The following SIAH3 variants were observed in gnomAD, a reference collection of about 807,000 sequenced individuals.
SIAH3 encodes the protein seven in absentia homolog 3.
In SIAH3, 9 loss-of-function variants were observed where a neutral mutation model predicts 12.6. The observed-to-expected ratio is 0.72, with a 90% confidence interval of 0.43 to 1.25. The LOEUF (loss-of-function observed/expected upper bound fraction) is 1.25, where lower values mean the gene tolerates loss of function less well. Among genes scored for constraint, SIAH3 ranks in the 50% most tolerant of loss-of-function variants. The pLI, the probability that SIAH3 is intolerant of heterozygous loss-of-function variation, is 0.00. For missense variants in SIAH3, 390 were observed against 365.4 expected (o/e 1.07, Z -0.55); for synonymous variants, 154 against 151.1 (o/e 1.02, Z -0.14).
At chr13:45,839,642 C>A (rs1950732576) in intron 1 of SIAH3, among the ~76,000 whole-genome samples, 1 of 151,832 alleles carries the variant, frequency 6.6e-6, no homozygotes, top group Non-Finnish European at 1.5e-5. Flanking sequence ...ACCATCCTGG[C>A]TAACACGGTG....
chr13:45,802,867 T>C (rs1950586778), intron 1 of SIAH3, among the ~76,000 whole-genome samples: 1 of 150,752 alleles, frequency 6.6e-6, no homozygotes, highest in African/African-American at 2.4e-5. Flanking sequence ...AGGTCAGGAG[T>C]TCAAGACCAG....
At chr13:45,807,481 A>G (rs1313536570) in intron 1 of SIAH3, among the ~76,000 whole-genome samples, 1 of 152,226 alleles carries the variant, frequency 6.6e-6, no homozygotes, top group Non-Finnish European at 1.5e-5. Context: ...AGAGAACCAA[A>G]TACTTATAGT....
At chr13:45,840,343 A>G (rs1046649418) in intron 1 of SIAH3, among the ~76,000 whole-genome samples, 2 of 152,356 alleles carry the variant, frequency 1.3e-5, no homozygotes, top group Non-Finnish European at 2.9e-5. Context: ...TCTGTGCCTC[A>G]GCTTCCTCAT....
At chr13:45,850,166 T>G (rs1208099807) in intron 1 of SIAH3, among the ~76,000 whole-genome samples, 1 of 152,176 alleles carries the variant, frequency 6.6e-6, no homozygotes, top group Non-Finnish European at 1.5e-5. Flanking sequence ...CTAGGTCAGA[T>G]GCACCATAGG....
intron 1 of SIAH3, among the ~76,000 whole-genome samples, chr13:45,837,748 T>C (rs531158868): frequency 6.6e-6 from 1 of 152,292 alleles, no homozygotes; most frequent in Non-Finnish European, 1.5e-5. Flanking sequence ...TCTCACATTG[T>C]ATGTATTATT....
intron 1 of SIAH3, among the ~76,000 whole-genome samples, chr13:45,832,333 G>A (rs193248074): frequency 8.5e-5 from 13 of 152,318 alleles, no homozygotes; most frequent in Admixed American, 2.6e-4. Flanking sequence ...CACTGTGGCC[G>A]TGAAGCAGGA....
In SIAH3 at chr13:45,797,538, G is replaced by A. The variant is rs145829524; in HGVS notation, c.136-13481C>T. Among the ~76,000 whole-genome samples, 276 of 152,274 alleles carry A rather than the reference G, an allele frequency of 1.8e-3. 2 individuals carry two copies. Among genetic ancestry groups the A allele is most frequent in the Non-Finnish European group, 3.0e-3 (206 of 68,026 alleles). On this transcript the variant is annotated intron_variant, in intron 1 of 1. Transcript: ENST00000400405. ...AACTTCCCTTGCAGCTACCCAAGCC[G>A]CAAAACTCTCCATTCATGAGTCTGC...
Position 45,786,773 on chromosome 13 carries a change from G to T in SIAH3, c.136-2716C>A, listed in dbSNP as rs527666526. On this transcript the variant is annotated intron_variant, in intron 1 of 1. Coordinates refer to ENST00000400405, the MANE Select transcript of SIAH3 (RefSeq NM_198849.3). ...CTTTCACACACGAGCAGCAATCTGG[G>T]CTGAGTGCAGGCCACCATAAAACCT... Among the ~76,000 whole-genome samples, 8 of 152,254 alleles carry T rather than the reference G, an allele frequency of 5.3e-5. No individual in the cohort carries two copies. The South Asian group carries it at 1.5e-3, about 28-fold the overall frequency.
At chr13:45,809,661 T>C (rs1950609936) in intron 1 of SIAH3, among the ~76,000 whole-genome samples, 1 of 152,224 alleles carries the variant, frequency 6.6e-6, no homozygotes, top group African/African-American at 2.4e-5. Flanking sequence ...GGTAAAACTA[T>C]ATATGCATAA....
In SIAH3 at chr13:45,843,030, C is replaced by CTGTGTGTGTGTGTGTGTGTGTGTGTG. The variant is rs1236849648; in HGVS notation, c.135+8464_135+8465insCACACACACACACACACACACACACA. 3.3e-4 allele frequency among the ~76,000 whole-genome samples: 21 copies of CTGTGTGTGTGTGTGTGTGTGTGTGTG among 64,520 alleles called. No individual in the cohort carries two copies. The South Asian group carries it at 3.5e-3, about 11-fold the overall frequency. 42.3% of individuals were successfully genotyped at this position (64,520 alleles called of 152,430 possible). On this transcript the variant is annotated intron_variant, in intron 1 of 1. Coordinates refer to ENST00000400405, the MANE Select transcript of SIAH3 (RefSeq NM_198849.3). ...GAATTGCCATTATTTCTCTCTCTCT[C>CTGTGTGTGTGTGTGTGTGTGTGTGTG]TCTCTGTGTGTGTGTGTGTGTGTGT...
rs953992923 is a variant in SIAH3, at chr13:45,778,956, C to T, written c.*4427G>A. On this transcript the variant is annotated 3_prime_UTR_variant, in exon 2 of 2. Transcript: ENST00000400405. ...CCACGAGATTCCTGGAACCAATCCC[C>T]CAAGGATACTGAGGGATGATTATAC... 4 of 152,234 alleles carry T rather than the reference C, an allele frequency of 2.6e-5. No homozygotes were observed. The East Asian group carries it at 5.8e-4, about 22-fold the overall frequency. The allele number at this position is 152,234 out of a possible 1,614,324, so 9.4% of individuals were successfully genotyped here.
chr13:45,830,296 A>G (rs769013694), intron 1 of SIAH3, among the ~76,000 whole-genome samples: 1 of 152,150 alleles, frequency 6.6e-6, no homozygotes, highest in Non-Finnish European at 1.5e-5. Context: ...GAGCCTGGAT[A>G]CCTGTCAGGG....
At chr13:45,820,573 C>T (rs1042210853) in intron 1 of SIAH3, among the ~76,000 whole-genome samples, 5 of 152,238 alleles carry the variant, frequency 3.3e-5, no homozygotes, top group Middle Eastern at 3.4e-3. Context: ...ACATATGGTA[C>T]GGTGTGGGTG....
chr13:45,822,918 G>T (rs1480787816), intron 1 of SIAH3, among the ~76,000 whole-genome samples: 4 of 142,622 alleles, frequency 2.8e-5, no homozygotes, highest in African/African-American at 1.1e-4. Context: ...ATGAGGAAAT[G>T]AAGAACAAAG....
At chr13:45,830,069 G>C (rs543843704) in intron 1 of SIAH3, among the ~76,000 whole-genome samples, 2 of 152,148 alleles carry the variant, frequency 1.3e-5, no homozygotes, top group Admixed American at 1.3e-4. Context: ...TTCCTATCTT[G>C]ATAAATGAAC....
intron 1 of SIAH3, among the ~76,000 whole-genome samples, chr13:45,801,099 G>GGT (rs776014825): frequency 2.1e-4 from 27 of 126,018 alleles, no homozygotes; most frequent in East Asian, 1.0e-3. Context: ...GGGTGGCGGG[G>GGT]GGGGGCATGG....
Position 45,783,686 on chromosome 13 carries a change from C to A in SIAH3, c.507G>T (p.Leu169Phe). Residue 169 changes from leucine (L) to phenylalanine (F), a missense_variant, in exon 2 of 2, where the codon TTG (leucine) becomes TTT (phenylalanine). Coordinates refer to ENST00000400405, the MANE Select transcript of SIAH3 (RefSeq NM_198849.3). ...MHSCLGHHFLLVLRKQERHEG... is the reference protein window; with the variant it reads ...MHSCLGHHFLFVLRKQERHEG... Reference sequence around the variant, plus strand: ...CATGCCTCTCCTGTTTCCTCAGCACCAACAGAAAGTGGTGGCCAAGGCAGG... The same window carrying A: ...CATGCCTCTCCTGTTTCCTCAGCACAAACAGAAAGTGGTGGCCAAGGCAGG... 4 of 1,614,048 alleles carry A rather than the reference C, an allele frequency of 2.5e-6. No individual in the cohort carries two copies. The highest frequency in any genetic ancestry group is 3.4e-6 in the Non-Finnish European group (4 of 1,179,966).
At chr13:45,826,789 A>G (rs1310821396) in intron 1 of SIAH3, among the ~76,000 whole-genome samples, 1 of 152,092 alleles carries the variant, frequency 6.6e-6, no homozygotes, top group African/African-American at 2.4e-5. Context: ...TCCCTAAAAT[A>G]AAAAGATAAT....
chr13:45,839,787 G>A (rs959575149), intron 1 of SIAH3, among the ~76,000 whole-genome samples: 10 of 152,090 alleles, frequency 6.6e-5, no homozygotes, highest in South Asian at 2.1e-4. Context: ...AGCTGAGATC[G>A]CACCACTGCA....
Sources: gnomAD v4.1 joint callset for allele counts (sites outside exome capture counted in the v4.1 genomes callset) on GRCh38, gnomAD v4.1.1 for gene constraint, MANE v1.5 for transcripts, NCBI Gene and HGNC (gene_info 2026-07-23, HGNC 2026-07-21) for gene names.